The following CMSS1 variants were observed in gnomAD, a reference collection of about 807,000 sequenced individuals.
The protein encoded by CMSS1 is cms1 ribosomal small subunit homolog.
A neutral mutation model predicts 43.5 loss-of-function variants in CMSS1; 33 were observed. The ratio of observed to expected loss-of-function variants is 0.76; its 90% CI spans 0.57 to 1.01. The LOEUF (loss-of-function observed/expected upper bound fraction) is 1.01, where lower values mean the gene tolerates loss of function less well. Among genes scored for constraint, CMSS1 ranks in the 50% least tolerant of loss-of-function variants. The probability of loss-of-function intolerance (pLI) is 0.00; values close to 1 mark genes in which losing one functional copy is unlikely to be tolerated. For missense variants in CMSS1, 313 were observed against 326.4 expected, an observed-to-expected ratio of 0.96 and a Z score of 0.32; for synonymous variants, 115 against 117.2, an observed-to-expected ratio of 0.98 and a Z score of 0.12.
At chr3:99,900,673 G>A (rs557628406) in intron 1 of CMSS1, among the ~76,000 whole-genome samples, 1 of 152,342 alleles carries the variant, frequency 6.6e-6, no homozygotes, top group Admixed American at 6.5e-5. Flanking sequence ...GCTGATCATT[G>A]TGTAATCTTC....
At chr3:99,861,771 A>T (rs1944269725) in intron 1 of CMSS1, among the ~76,000 whole-genome samples, 1 of 152,154 alleles carries the variant, frequency 6.6e-6, no homozygotes, top group South Asian at 2.1e-4. Flanking sequence ...GACAGTGGAA[A>T]ACTATGAGAG....
intron 1 of CMSS1, among the ~76,000 whole-genome samples, chr3:99,953,328 C>T (rs1490722276): frequency 6.6e-6 from 1 of 152,052 alleles, no homozygotes; most frequent in Non-Finnish European, 1.5e-5. Context: ...ATAGGGCAAA[C>T]CAATGAAATT....
chr3:99,888,119 A>T (rs1175050991), intron 1 of CMSS1, among the ~76,000 whole-genome samples: 2 of 152,214 alleles, frequency 1.3e-5, no homozygotes, highest in Non-Finnish European at 2.9e-5. Context: ...CTATTGAAAA[A>T]TTTTAAATGT....
At chr3:99,879,126 T>C (rs969296666) in intron 1 of CMSS1, among the ~76,000 whole-genome samples, 5 of 152,314 alleles carry the variant, frequency 3.3e-5, no homozygotes, top group Admixed American at 3.3e-4. Context: ...CTTTCTACAA[T>C]TAGTAATCTG....
chr3:100,167,307 C>T (rs2067073226), intron 5 of CMSS1, among the ~76,000 whole-genome samples: 2 of 152,158 alleles, frequency 1.3e-5, no homozygotes, highest in African/African-American at 2.4e-5. Flanking sequence ...AAGTGCTTAG[C>T]ACCATGTCAG....
intron 1 of CMSS1, among the ~76,000 whole-genome samples, chr3:99,942,681 T>C (rs1378940555): frequency 6.6e-6 from 1 of 152,024 alleles, no homozygotes; most frequent in East Asian, 1.9e-4. Flanking sequence ...AAAATATAAC[T>C]AGCCGGGCAT....
chr3:99,822,251 G>C (rs574714674), intron 1 of CMSS1, among the ~76,000 whole-genome samples: 1 of 152,290 alleles, frequency 6.6e-6, no homozygotes, highest in East Asian at 1.9e-4. Flanking sequence ...ATACAGATAG[G>C]TTATTTTTAA....
At chr3:100,034,646 T>G (rs911827574) in intron 1 of CMSS1, among the ~76,000 whole-genome samples, 2 of 152,204 alleles carry the variant, frequency 1.3e-5, no homozygotes, top group South Asian at 4.1e-4. Context: ...ATAGCAAATG[T>G]CTAGTATTTA....
At chr3:100,032,323 ACT>A (rs1223366918) in intron 1 of CMSS1, among the ~76,000 whole-genome samples, 1 of 152,184 alleles carries the variant, frequency 6.6e-6, no homozygotes, top group Non-Finnish European at 1.5e-5. Context: ...ATTTTGATTT[ACT>A]CTCTTAAGAT....
chr3:100,138,577 CAT>C (rs1345976119), intron 1 of CMSS1, among the ~76,000 whole-genome samples: 1 of 152,204 alleles, frequency 6.6e-6, no homozygotes, highest in East Asian at 1.9e-4. Flanking sequence ...GACCAACAGA[CAT>C]ATGAAAAAAA....
intron 1 of CMSS1, among the ~76,000 whole-genome samples, chr3:99,972,596 C>G (rs1174999229): frequency 6.6e-6 from 1 of 152,148 alleles, no homozygotes; most frequent in Admixed American, 6.5e-5. Context: ...AATAACGGTT[C>G]ATGTTTCCAT....
At chr3:99,823,852 T>G (rs984547106) in intron 1 of CMSS1, among the ~76,000 whole-genome samples, 4 of 152,160 alleles carry the variant, frequency 2.6e-5, no homozygotes, top group Admixed American at 2.6e-4. Context: ...TCATTCTGTC[T>G]TACTTAGCCG....
At chr3:99,930,998 G>T in intron 1 of CMSS1, 1 of 1,613,700 alleles carries the variant, frequency 6.2e-7, no homozygotes. Context: ...TGAGCCCTCG[G>T]TATCACTGCC....
chr3:99,936,817 A>G lies in CMSS1; in HGVS notation c.64+118774A>G, dbSNP rs906581286. ...CTACTTAGCTTTTATAAAAAGATAT[A>G]CATAGTAAAGGAAAAATCCTGGTTT... On this transcript the variant is annotated intron_variant, in intron 1 of 9. Coordinates refer to ENST00000421999, the MANE Select transcript of CMSS1 (RefSeq NM_032359.4). 7.9e-5 allele frequency among the ~76,000 whole-genome samples: 12 copies of G among 152,254 alleles called. 1 individual carries two copies. The South Asian group carries it at 1.7e-3, about 21-fold the overall frequency.
At chr3:99,943,855 C>G (rs958136202) in intron 1 of CMSS1, among the ~76,000 whole-genome samples, 1 of 152,162 alleles carries the variant, frequency 6.6e-6, no homozygotes, top group Non-Finnish European at 1.5e-5. Context: ...AATCTTACTT[C>G]CCTCGCAACT....
chr3:100,093,531 T>C (rs2066149925), intron 1 of CMSS1, among the ~76,000 whole-genome samples: 1 of 152,216 alleles, frequency 6.6e-6, no homozygotes, highest in South Asian at 2.1e-4. Flanking sequence ...TTGTACGGAA[T>C]AATGCAGAGT....
At chr3:99,947,354 T>A (rs891804740) in intron 1 of CMSS1, among the ~76,000 whole-genome samples, 2 of 152,194 alleles carry the variant, frequency 1.3e-5, no homozygotes, top group African/African-American at 4.8e-5. Context: ...TTCCATACCA[T>A]GATATTTGAT....
chr3:100,171,681 T>C (rs1163412038), intron 6 of CMSS1, among the ~76,000 whole-genome samples, 158 bp from the exon 7 acceptor site: 6 of 152,216 alleles, frequency 3.9e-5, no homozygotes, highest in Non-Finnish European at 7.3e-5. Flanking sequence ...TTGCAAAGAT[T>C]GGCTAACCTG....
chr3:100,000,959 A>C (rs767374804), intron 1 of CMSS1, among the ~76,000 whole-genome samples: 2 of 152,218 alleles, frequency 1.3e-5, no homozygotes, highest in African/African-American at 4.8e-5. Flanking sequence ...TTTAATGCCA[A>C]CTATGTTTTC....
Sources: gnomAD v4.1 joint callset for allele counts (sites outside exome capture counted in the v4.1 genomes callset) on GRCh38, gnomAD v4.1.1 for gene constraint, MANE v1.5 for transcripts, NCBI Gene and HGNC (gene_info 2026-07-23, HGNC 2026-07-21) for gene names.